EEPD1: variants seen among roughly 807,000 people sequenced by gnomAD.
EEPD1 encodes endonuclease/exonuclease/phosphatase family domain containing 1.
In EEPD1, 17 loss-of-function variants were observed where a neutral mutation model predicts 46.3. The observed-to-expected ratio is 0.37, with a 90% confidence interval of 0.25 to 0.55. EEPD1 has a LOEUF of 0.55. EEPD1 is among the 20% of genes least tolerant of loss of function. The probability of loss-of-function intolerance (pLI) is 0.83; values close to 1 mark genes in which losing one functional copy is unlikely to be tolerated. For missense variants in EEPD1, 673 were observed against 745.6 expected, an observed-to-expected ratio of 0.90 and a Z score of 1.13; for synonymous variants, 313 against 315.6, an observed-to-expected ratio of 0.99 and a Z score of 0.09.
At position 36,301,105 on chromosome 7, in the gene EEPD1, T is replaced by A. The variant is rs974772265; in HGVS notation, c.*1899T>A. The A allele has an allele frequency of 6.6e-6, 1 of 152,242 alleles. No homozygotes were observed. The highest frequency in any genetic ancestry group is 2.4e-5 in the African/African-American group (1 of 41,462). 9.4% of individuals were successfully genotyped at this position (152,242 alleles called of 1,614,324 possible). A position where few individuals can be genotyped will look rare whatever the true frequency, so the allele number is the denominator to read the frequency against. ...GACAGAAAAGCCTCCTTAAGTGAGCTGAGGGGACAGGAAATCCAATCAGAT... is the reference window on the plus strand; with the variant it reads ...GACAGAAAAGCCTCCTTAAGTGAGCAGAGGGGACAGGAAATCCAATCAGAT... On this transcript the variant is annotated 3_prime_UTR_variant, in exon 8 of 8. Transcript: ENST00000242108.
intron 2 of EEPD1, among the ~76,000 whole-genome samples, chr7:36,165,311 A>G (rs117609646): frequency 2.4e-4 from 37 of 151,424 alleles, no homozygotes; most frequent in Non-Finnish European, 4.4e-4. Context: ...ATAACATACC[A>G]TGTAGGTTTA....
intron 5 of EEPD1, 125 bp from the exon 6 acceptor site, chr7:36,287,514 G>C (rs944156054): frequency 7.1e-6 from 10 of 1,414,074 alleles, no homozygotes; most frequent in Non-Finnish European, 9.5e-6. Context: ...GGGGGTGTGA[G>C]CCAGCCTTGT....
chr7:36,184,803 T>C (rs1330615177), intron 2 of EEPD1, among the ~76,000 whole-genome samples: 1 of 152,162 alleles, frequency 6.6e-6, no homozygotes, highest in Non-Finnish European at 1.5e-5. Flanking sequence ...CGATCTCAGC[T>C]CACTGCAACC....
intron 3 of EEPD1, among the ~76,000 whole-genome samples, chr7:36,258,034 TTGATGC>T (rs1288824632): frequency 2.0e-5 from 3 of 152,242 alleles, no homozygotes; most frequent in African/African-American, 7.2e-5. Flanking sequence ...TTTGTTGATG[TTGATGC>T]TATTCCTTTC....
intron 5 of EEPD1, among the ~76,000 whole-genome samples, chr7:36,286,183 C>A (rs1787339429): frequency 6.6e-6 from 1 of 152,130 alleles, no homozygotes; most frequent in Non-Finnish European, 1.5e-5. Context: ...TGCTGGTTAG[C>A]CCAAATCCTC....
intron 2 of EEPD1, among the ~76,000 whole-genome samples, chr7:36,215,049 A>G (rs565278193): frequency 1.2e-4 from 18 of 152,266 alleles, no homozygotes; most frequent in African/African-American, 4.1e-4. Flanking sequence ...ATTGTAGACT[A>G]TGAGGGACCA....
At chr7:36,279,305 A>G (rs572433232) in intron 3 of EEPD1, among the ~76,000 whole-genome samples, 2 of 152,294 alleles carry the variant, frequency 1.3e-5, no homozygotes, top group Admixed American at 6.5e-5. Context: ...GGAGAAAGAT[A>G]GATGCTTACA....
chr7:36,233,002 T>G (rs963464803), intron 2 of EEPD1, among the ~76,000 whole-genome samples: 1 of 152,154 alleles, frequency 6.6e-6, no homozygotes, highest in Non-Finnish European at 1.5e-5. Context: ...CTGTTGCCAT[T>G]TGATACCTGA....
At position 36,183,888 on chromosome 7, in the gene EEPD1, T is replaced by TTTTTTTTTG. The variant is rs3053348; in HGVS notation, c.878+28686_878+28687insTTTTTTTTG. ...TTCCTAGCCCTCGTTTTTTTTTTTT[T>TTTTTTTTTG]ATTTTTAAAAAAATGTGTGTTGTTG... On this transcript the variant is annotated intron_variant, in intron 2 of 7. Coordinates refer to ENST00000242108, the MANE Select transcript of EEPD1 (RefSeq NM_030636.3). 5.9e-5 allele frequency among the ~76,000 whole-genome samples: 8 copies of TTTTTTTTTG among 135,490 alleles called. 1 individual carries two copies. The highest frequency in any genetic ancestry group is 1.2e-4 in the Non-Finnish European group (7 of 60,642). The allele number at this position is 135,490 out of a possible 152,430, so 88.9% of individuals were successfully genotyped here. A position where few individuals can be genotyped will look rare whatever the true frequency, so the allele number is the denominator to read the frequency against.
chr7:36,249,437 G>A (rs1373090535), intron 3 of EEPD1, among the ~76,000 whole-genome samples: 1 of 152,022 alleles, frequency 6.6e-6, no homozygotes, highest in East Asian at 1.9e-4. Flanking sequence ...GGAAATGATC[G>A]ATAAAAATGG....
At position 36,154,226 on chromosome 7, in the gene EEPD1, C is replaced by T; in HGVS notation, c.-99C>T. On this transcript the variant is annotated 5_prime_UTR_variant, in exon 2 of 8. Coordinates refer to ENST00000242108, the MANE Select transcript of EEPD1 (RefSeq NM_030636.3). The surrounding 1 kb of genome is among the most constrained non-coding windows in gnomAD (Gnocchi z 4.2). ...CTTCAGTCCCTGAATCCTGCACCTT[C>T]CGTTTTTCTGTGCTTGTACGGCCTA... 1 of 1,411,644 alleles carries T rather than the reference C, an allele frequency of 7.1e-7. No individual in the cohort carries two copies. Among genetic ancestry groups the T allele is most frequent in the South Asian group, 1.4e-5 (1 of 69,946 alleles). 87.4% of individuals were successfully genotyped at this position (1,411,644 alleles called of 1,614,324 possible).
intron 3 of EEPD1, among the ~76,000 whole-genome samples, chr7:36,247,020 G>A (rs1330486860): frequency 6.6e-6 from 1 of 151,868 alleles, no homozygotes; most frequent in Non-Finnish European, 1.5e-5. Flanking sequence ...CAGCTACTCG[G>A]GAGGCTGAGG....
intron 3 of EEPD1, among the ~76,000 whole-genome samples, chr7:36,254,434 C>T (rs1339545875): frequency 2.0e-5 from 3 of 152,166 alleles, no homozygotes; most frequent in African/African-American, 7.2e-5. Context: ...CAGCTTCATC[C>T]ATGTCCCTGC....
rs1361024411 is a variant in EEPD1, at chr7:36,198,342, GAAAAA to G, written c.879-40631_879-40627del. On this transcript the variant is annotated intron_variant, in intron 2 of 7. Transcript: ENST00000242108. ...GTCTTAAGAAAAAAAAAAAAGAAAA[GAAAAA>G]AAAAAAAAAAAGAAAGATATTTTCC... 1.9e-3 allele frequency among the ~76,000 whole-genome samples: 63 copies of G among 33,118 alleles called. No homozygotes were observed. The East Asian group carries it at 0.061, about 32-fold the overall frequency. 21.7% of individuals were successfully genotyped at this position (33,118 alleles called of 152,430 possible). A position where few individuals can be genotyped will look rare whatever the true frequency, so the allele number is the denominator to read the frequency against.
chr7:36,154,852 C>G lies in EEPD1; in HGVS notation c.528C>G (p.Asp176Glu). The G allele has an allele frequency of 6.2e-7, 1 of 1,614,188 alleles. No individual in the cohort carries two copies. Among genetic ancestry groups the G allele is most frequent in the East Asian group, 2.2e-5 (1 of 44,886 alleles). ...ATGGGCCCTTTCGCAGCGTTGAGGA[C>G]CTAGTGAGGATGGATGGTATCAATG... ...REHGPFRSVEDLVRMDGINAA... is the reference protein window; with the variant it reads ...REHGPFRSVEELVRMDGINAA... Residue 176 changes from aspartate (D) to glutamate (E), a missense_variant, in exon 2 of 8, where the codon GAC becomes GAG. Asp to Glu is a conservative substitution (Grantham distance 45). Transcript: ENST00000242108. The surrounding 1 kb of genome is among the most constrained non-coding windows in gnomAD (Gnocchi z 4.2).
intron 2 of EEPD1, among the ~76,000 whole-genome samples, chr7:36,202,071 T>G (rs1379294181): frequency 1.3e-5 from 2 of 152,220 alleles, no homozygotes; most frequent in Non-Finnish European, 2.9e-5. Flanking sequence ...GGGTGGTTCA[T>G]GATTCAAGCT....
intron 2 of EEPD1, among the ~76,000 whole-genome samples, chr7:36,155,862 GAA>G (rs1301743188): frequency 1.3e-5 from 2 of 152,260 alleles, no homozygotes; most frequent in East Asian, 1.9e-4. Context: ...TTAAACCAAA[GAA>G]AAGAGTCCAG....
intron 2 of EEPD1, among the ~76,000 whole-genome samples, chr7:36,238,556 G>A (rs1375496145): frequency 6.6e-6 from 1 of 152,110 alleles, no homozygotes; most frequent in African/African-American, 2.4e-5. Context: ...TCTGTGGCGT[G>A]GCATGTATCA....
At chr7:36,227,435 A>T (rs551067449) in intron 2 of EEPD1, among the ~76,000 whole-genome samples, 47 of 152,308 alleles carry the variant, frequency 3.1e-4, no homozygotes, top group African/African-American at 1.0e-3. Flanking sequence ...TCAAGGACAT[A>T]TTTAGGAAAA....
Sources: gnomAD v4.1 joint callset for allele counts (sites outside exome capture counted in the v4.1 genomes callset) on GRCh38, gnomAD v4.1.1 for gene constraint, Gnocchi (gnomAD v3.1) non-coding constraint, MANE v1.5 for transcripts, NCBI Gene and HGNC (gene_info 2026-07-23, HGNC 2026-07-21) for gene names.